Variants in BBS9 observed in about 807,000 individuals in gnomAD.
BBS9 encodes protein PTHB1.
Under a neutral mutation model 117.7 loss-of-function variants are expected in BBS9, and 89 were observed. The observed-to-expected ratio is 0.76, with a 90% confidence interval of 0.64 to 0.90. The LOEUF (loss-of-function observed/expected upper bound fraction) is 0.90. BBS9 is among the 40% of genes least tolerant of loss of function. The probability of loss-of-function intolerance (pLI) is 0.00; values close to 1 mark genes in which losing one functional copy is unlikely to be tolerated. For missense variants in BBS9, 982 were observed against 1,042.2 expected, an observed-to-expected ratio of 0.94 and a Z score of 0.80; for synonymous variants, 379 against 370.9, an observed-to-expected ratio of 1.02 and a Z score of -0.25.
At chr7:33,567,831 A>G (rs1018555200) in intron 21 of BBS9, among the ~76,000 whole-genome samples, 9 of 152,120 alleles carry the variant, frequency 5.9e-5, no homozygotes, top group African/African-American at 1.9e-4. Flanking sequence ...TTTGTATTTA[A>G]TATCTCAGGA....
At chr7:33,603,078 G>T (rs1864043037) in intron 21 of BBS9, among the ~76,000 whole-genome samples, 1 of 152,150 alleles carries the variant, frequency 6.6e-6, no homozygotes, top group African/African-American at 2.4e-5. Context: ...CTGTCCCCAA[G>T]CACATGGCAG....
At chr7:33,485,114 T>C (rs1029059802) in intron 19 of BBS9, among the ~76,000 whole-genome samples, 2 of 151,948 alleles carry the variant, frequency 1.3e-5, no homozygotes, top group Non-Finnish European at 2.9e-5. Context: ...GGACACATTG[T>C]TGGGGGGCAA....
At chr7:33,558,664 T>C (rs1855646034) in intron 21 of BBS9, among the ~76,000 whole-genome samples, 1 of 152,152 alleles carries the variant, frequency 6.6e-6, no homozygotes. Context: ...AGGTGACAGT[T>C]TTAACCTTGA....
chr7:33,280,806 G>A (rs1210927274), intron 9 of BBS9, among the ~76,000 whole-genome samples: 1 of 151,618 alleles, frequency 6.6e-6, no homozygotes, highest in Non-Finnish European at 1.5e-5. Context: ...CTCATAGAGG[G>A]AAGAAGGATT....
At chr7:33,439,553 GGAGCCT>G (rs1310137989) in intron 19 of BBS9, among the ~76,000 whole-genome samples, 1 of 100,484 alleles carries the variant, frequency 1.0e-5, no homozygotes, top group East Asian at 2.9e-4. Context: ...TTTTTGGGAT[GGAGCCT>G]TGCTTTGTTG....
intron 21 of BBS9, among the ~76,000 whole-genome samples, chr7:33,581,760 T>C (rs1029798888): frequency 6.6e-6 from 1 of 152,174 alleles, no homozygotes; most frequent in Non-Finnish European, 1.5e-5. Flanking sequence ...ATTTTATCCT[T>C]ACAAGGTTTT....
intron 9 of BBS9, among the ~76,000 whole-genome samples, chr7:33,333,216 C>T (rs563975064): frequency 1.3e-5 from 2 of 152,120 alleles, no homozygotes; most frequent in Non-Finnish European, 2.9e-5. Flanking sequence ...CTCTCCCAAC[C>T]ATCCCCTCCT....
intron 5 of BBS9, among the ~76,000 whole-genome samples, chr7:33,225,877 TATG>T (rs1791166932): frequency 6.6e-6 from 1 of 152,222 alleles, no homozygotes; most frequent in African/African-American, 2.4e-5. Flanking sequence ...TACTCCCAAT[TATG>T]ATGCAGACCT....
chr7:33,635,294 C>G (rs1310748840), exon 22 of BBS9, among the ~76,000 whole-genome samples: 2 of 152,180 alleles, frequency 1.3e-5, no homozygotes, highest in African/African-American at 2.4e-5. Flanking sequence ...AGACACCTTC[C>G]CTGGGATGGT....
chr7:33,266,711 C>T (rs1798883536), intron 7 of BBS9, among the ~76,000 whole-genome samples: 1 of 151,470 alleles, frequency 6.6e-6, no homozygotes, highest in African/African-American at 2.4e-5. Context: ...TTTTGTATCT[C>T]CTTGGAAATA....
intron 20 of BBS9, among the ~76,000 whole-genome samples, chr7:33,512,543 A>G (rs191834244): frequency 2.0e-5 from 3 of 152,348 alleles, no homozygotes; most frequent in Admixed American, 1.3e-4. Context: ...CAGTGAGGAA[A>G]ATAGTGATCA....
intron 20 of BBS9, among the ~76,000 whole-genome samples, chr7:33,519,589 T>TTA (rs397825119): frequency 3.3e-4 from 50 of 151,940 alleles, no homozygotes; most frequent in African/African-American, 1.1e-3. Flanking sequence ...GCTTTTTTTT[T>TTA]ATTATGCAGT....
chr7:33,547,079 T>C (rs1332666942), intron 21 of BBS9, among the ~76,000 whole-genome samples: 1 of 152,160 alleles, frequency 6.6e-6, no homozygotes, highest in Non-Finnish European at 1.5e-5. Flanking sequence ...AAATAATACA[T>C]ACAATCTCAT....
At chr7:33,510,139 C>T (rs1262431961) in intron 20 of BBS9, among the ~76,000 whole-genome samples, 1 of 152,134 alleles carries the variant, frequency 6.6e-6, no homozygotes, top group Non-Finnish European at 1.5e-5. Flanking sequence ...TTGTCTCTAC[C>T]ATCTTCCTGT....
At chr7:33,130,186 A>T (rs951229242) in intron 1 of BBS9, 145 bp downstream of exon 1, 1 of 152,220 alleles carries the variant, frequency 6.6e-6, no homozygotes, top group Non-Finnish European at 1.5e-5. Flanking sequence ...TGAAATAAAC[A>T]AACACTAGGA....
downstream of BBS9, chr7:33,606,133 A>G (rs2129210475): frequency 6.6e-6 from 1 of 152,340 alleles, no homozygotes; most frequent in Middle Eastern, 3.4e-3. Context: ...AAATGTCAAA[A>G]AAAAACTGCA....
At chr7:33,190,636 G>A (rs1477474977) in intron 5 of BBS9, among the ~76,000 whole-genome samples, 2 of 152,136 alleles carry the variant, frequency 1.3e-5, no homozygotes, top group African/African-American at 4.8e-5. Context: ...CTGGTTACAT[G>A]ATGGCTATAG....
At chr7:33,515,911 A>G (rs1434310941) in intron 20 of BBS9, among the ~76,000 whole-genome samples, 3 of 152,170 alleles carry the variant, frequency 2.0e-5, no homozygotes, top group Non-Finnish European at 4.4e-5. Flanking sequence ...TTCTAACTAC[A>G]CTATTTCCAT....
chr7:33,291,730 G>C (rs1373277707), intron 9 of BBS9, among the ~76,000 whole-genome samples: 1 of 152,168 alleles, frequency 6.6e-6, no homozygotes, highest in African/African-American at 2.4e-5. Flanking sequence ...ATTCTACAAA[G>C]TTTGGTGTTC....
Sources: gnomAD v4.1 joint callset for allele counts (sites outside exome capture counted in the v4.1 genomes callset) on GRCh38, gnomAD v4.1.1 for gene constraint, MANE v1.5 for transcripts, NCBI Gene and HGNC (gene_info 2026-07-23, HGNC 2026-07-21) for gene names.